Variants in RIC1 observed in about 807,000 individuals in gnomAD.
RIC1 encodes guanine nucleotide exchange factor subunit RIC1.
In RIC1, 88 loss-of-function variants were observed where a neutral mutation model predicts 169.0. That is an observed-to-expected ratio of 0.52 (90% CI 0.44 to 0.62). The LOEUF is 0.62. Ranked by LOEUF, RIC1 falls within the 20% of genes least tolerant of loss-of-function variation. The pLI, the probability that RIC1 is intolerant of heterozygous loss-of-function variation, is 0.00. For synonymous variants in RIC1, 790 were observed against 601.5 expected, an observed-to-expected ratio of 1.31 and a Z score of -4.59; for missense variants, 1,877 against 1,725.5, an observed-to-expected ratio of 1.09 and a Z score of -1.56.
intron 6 of RIC1, among the ~76,000 whole-genome samples, chr9:5,723,782 G>T (rs898608280): frequency 2.6e-4 from 40 of 152,310 alleles, no homozygotes; most frequent in South Asian, 6.2e-4. Flanking sequence ...CATATGGCTA[G>T]CCCGTTTTAC....
At chr9:5,705,439 A>G (rs1262129355) in intron 3 of RIC1, among the ~76,000 whole-genome samples, 1 of 152,014 alleles carries the variant, frequency 6.6e-6, no homozygotes, top group South Asian at 2.1e-4. Flanking sequence ...TGTTTTCTGA[A>G]ATTTTTATTG....
At chr9:5,758,476 T>C (rs1046686230) in intron 17 of RIC1, among the ~76,000 whole-genome samples, 2 of 152,234 alleles carry the variant, frequency 1.3e-5, no homozygotes, top group Admixed American at 6.5e-5. Context: ...ATATTACTTA[T>C]ATGAATCTAA....
intron 8 of RIC1, among the ~76,000 whole-genome samples, chr9:5,741,416 T>C (rs1825076546): frequency 6.6e-6 from 1 of 152,178 alleles, no homozygotes; most frequent in African/African-American, 2.4e-5. Flanking sequence ...AATATTCCTC[T>C]CCCCTAATCT....
chr9:5,708,814 A>G (rs1233482057), intron 3 of RIC1, among the ~76,000 whole-genome samples: 6 of 152,062 alleles, frequency 3.9e-5, no homozygotes, highest in African/African-American at 1.4e-4. Flanking sequence ...TGATTTCTTC[A>G]TATATTCTCT....
intron 2 of RIC1, among the ~76,000 whole-genome samples, chr9:5,680,260 T>A (rs1367560895): frequency 1.3e-5 from 2 of 152,248 alleles, no homozygotes; most frequent in Non-Finnish European, 1.5e-5. Flanking sequence ...TTATTGAGGA[T>A]TTTTGCTTCA....
chr9:5,741,879 G>T (rs1024916883), intron 8 of RIC1, among the ~76,000 whole-genome samples: 1 of 152,144 alleles, frequency 6.6e-6, no homozygotes, highest in Non-Finnish European at 1.5e-5. Context: ...TTTTGTGTGT[G>T]TAGCGCTTTG....
chr9:5,682,821 C>T (rs1327683387), intron 2 of RIC1, among the ~76,000 whole-genome samples: 4 of 152,200 alleles, frequency 2.6e-5, no homozygotes, highest in African/African-American at 9.7e-5. Context: ...TAGATTTTGT[C>T]TTTTCACATA....
At chr9:5,758,696 A>T (rs147162608) in intron 17 of RIC1, among the ~76,000 whole-genome samples, 1 of 128,896 alleles carries the variant, frequency 7.8e-6, no homozygotes, top group Non-Finnish European at 1.7e-5. Flanking sequence ...TTTATTCTAG[A>T]CCCCTTAAGC....
At chr9:5,647,099 C>G (rs1312403654) in intron 1 of RIC1, among the ~76,000 whole-genome samples, 2 of 152,034 alleles carry the variant, frequency 1.3e-5, no homozygotes, top group Admixed American at 1.3e-4. Context: ...GTCTAGGTAG[C>G]CTTGTGGAAA....
At chr9:5,717,052 G>A (rs1011344557) in intron 4 of RIC1, among the ~76,000 whole-genome samples, 1 of 152,076 alleles carries the variant, frequency 6.6e-6, no homozygotes. Flanking sequence ...TATTTATTAT[G>A]TCTGTCACAG....
intron 1 of RIC1, among the ~76,000 whole-genome samples, chr9:5,642,863 T>C (rs1818319011): frequency 6.6e-6 from 1 of 152,276 alleles, no homozygotes; most frequent in African/African-American, 2.4e-5. Context: ...TCATGACTTT[T>C]GGCCTGTTCT....
At chr9:5,727,014 G>A (rs10758701) in intron 6 of RIC1, among the ~76,000 whole-genome samples, 67,241 of 151,876 alleles carry the variant, frequency 0.44, 15,935 homozygotes, top group East Asian at 0.85. Context: ...ACTTTGGTGA[G>A]TCTGACAATT....
intron 25 of RIC1, chr9:5,773,323 A>G (rs901830717): frequency 6.7e-5 from 12 of 179,540 alleles, no homozygotes; most frequent in South Asian, 1.9e-4. Context: ...GTGTGAATGT[A>G]TATCACTGAC....
intron 3 of RIC1, among the ~76,000 whole-genome samples, chr9:5,702,040 G>A (rs1424542291): frequency 1.3e-5 from 2 of 152,126 alleles, no homozygotes; most frequent in African/African-American, 4.8e-5. Flanking sequence ...TTGGTTTTGG[G>A]CTATATACAA....
chr9:5,630,903 G>GA (rs1188845451), intron 1 of RIC1, among the ~76,000 whole-genome samples: 4 of 152,060 alleles, frequency 2.6e-5, no homozygotes, highest in East Asian at 1.9e-4. Flanking sequence ...AGCACATGCA[G>GA]AAAAAAATAG....
At chr9:5,724,034 C>T (rs1823788389) in intron 6 of RIC1, among the ~76,000 whole-genome samples, 1 of 152,028 alleles carries the variant, frequency 6.6e-6, no homozygotes, top group South Asian at 2.1e-4. Flanking sequence ...ATTGTCTTCG[C>T]AATGCAGGCT....
chr9:5,653,835 A>C (rs926213825), intron 1 of RIC1, among the ~76,000 whole-genome samples: 1 of 152,096 alleles, frequency 6.6e-6, no homozygotes, highest in African/African-American at 2.4e-5. Flanking sequence ...TGACCTGGTG[A>C]TCTGCCTGCC....
intron 6 of RIC1, among the ~76,000 whole-genome samples, chr9:5,729,068 C>G (rs926691106): frequency 6.6e-6 from 1 of 152,128 alleles, no homozygotes; most frequent in Non-Finnish European, 1.5e-5. Flanking sequence ...GGAAAAGAGT[C>G]CTGCAGTCCT....
intron 1 of RIC1, among the ~76,000 whole-genome samples, chr9:5,634,222 C>G (rs554119442): frequency 6.6e-6 from 1 of 152,122 alleles, no homozygotes. Flanking sequence ...CTTTGAGATA[C>G]TGATTTCAAT....
Sources: allele counts gnomAD v4.1 joint callset (sites outside exome capture counted in the v4.1 genomes callset), GRCh38; gene constraint gnomAD v4.1.1; transcripts MANE v1.5; gene names NCBI Gene and HGNC (gene_info 2026-07-23, HGNC 2026-07-21).